Variants in CSMD1 observed in about 807,000 individuals in gnomAD.
CSMD1 encodes the protein CUB and sushi domain-containing protein 1.
Under a neutral mutation model 417.5 loss-of-function variants are expected in CSMD1, and 213 were observed. The ratio of observed to expected loss-of-function variants is 0.51; its 90% CI spans 0.46 to 0.57. The LOEUF (loss-of-function observed/expected upper bound fraction) is 0.57, where lower values mean the gene tolerates loss of function less well. Ranked by LOEUF, CSMD1 falls within the 20% of genes least tolerant of loss-of-function variation. The pLI is 0.00. For missense variants in CSMD1, 6,923 were observed against 4,529.7 expected, an observed-to-expected ratio of 1.53 and a Z score of -15.17; for synonymous variants, 2,862 against 1,736.8, an observed-to-expected ratio of 1.65 and a Z score of -16.11.
At chr8:4,843,948 T>A (rs748498648) in intron 1 of CSMD1, among the ~76,000 whole-genome samples, 3 of 152,140 alleles carry the variant, frequency 2.0e-5, no homozygotes, top group Non-Finnish European at 2.9e-5. Flanking sequence ...TAGAGAAAGC[T>A]GTAACGGAAA....
chr8:3,652,296 G>A (rs1371017933), intron 7 of CSMD1, among the ~76,000 whole-genome samples: 2 of 147,688 alleles, frequency 1.4e-5, no homozygotes, highest in African/African-American at 5.0e-5. Context: ...GCTTACCACT[G>A]TCAGCATGCT....
intron 11 of CSMD1, among the ~76,000 whole-genome samples, chr8:3,485,238 C>A (rs1030591430): frequency 6.6e-6 from 1 of 152,066 alleles, no homozygotes; most frequent in African/African-American, 2.4e-5. Context: ...CGGGAGGAAA[C>A]GATTGCAGTA....
rs11986499 is a variant in CSMD1, at chr8:4,342,239, G to T, written c.415+77714C>A. Reference sequence around the variant, plus strand: ...TGTGTGTGTGTGTGTGTGTCTGTGTGTGTGTGTGTGTCTCTGTATGTGTGT... The same window carrying T: ...TGTGTGTGTGTGTGTGTGTCTGTGTTTGTGTGTGTGTCTCTGTATGTGTGT... On this transcript the variant is annotated intron_variant, in intron 3 of 69. Transcript: ENST00000635120. 2.1e-3 allele frequency among the ~76,000 whole-genome samples: 24 copies of T among 11,218 alleles called. 2 individuals carry two copies. In the South Asian group the frequency reaches 0.026, roughly 12 times the overall value. 7.4% of individuals were successfully genotyped at this position (11,218 alleles called of 152,430 possible).
intron 40 of CSMD1, among the ~76,000 whole-genome samples, chr8:3,143,661 T>G (rs1028700547): frequency 6.6e-6 from 1 of 152,172 alleles, no homozygotes; most frequent in Non-Finnish European, 1.5e-5. Flanking sequence ...AAACCTAAAC[T>G]GAGCCAACTA....
At chr8:4,820,928 G>A (rs1002220628) in intron 1 of CSMD1, among the ~76,000 whole-genome samples, 2 of 152,152 alleles carry the variant, frequency 1.3e-5, no homozygotes, top group East Asian at 3.9e-4. Flanking sequence ...ATATCTTCAT[G>A]TTGCTTCCAT....
At chr8:4,503,171 C>T (rs756298068) in intron 2 of CSMD1, among the ~76,000 whole-genome samples, 2 of 152,108 alleles carry the variant, frequency 1.3e-5, no homozygotes, top group African/African-American at 2.4e-5. Context: ...TATATAGTCT[C>T]TCTTATCATC....
At chr8:4,478,413 T>TATTTGTCAG (rs1800915678) in intron 2 of CSMD1, among the ~76,000 whole-genome samples, 1 of 152,180 alleles carries the variant, frequency 6.6e-6, no homozygotes, top group Non-Finnish European at 1.5e-5. Flanking sequence ...CTTTGTAAAG[T>TATTTGTCAG]TATATATCTT....
At chr8:3,154,918 C>G (rs1323627159) in intron 39 of CSMD1, among the ~76,000 whole-genome samples, 1 of 152,052 alleles carries the variant, frequency 6.6e-6, no homozygotes, top group Non-Finnish European at 1.5e-5. Context: ...TAATCTAAAG[C>G]TAACAGCTAC....
intron 1 of CSMD1, among the ~76,000 whole-genome samples, chr8:4,721,927 G>C (rs182775244): frequency 6.6e-6 from 1 of 152,188 alleles, no homozygotes; most frequent in African/African-American, 2.4e-5. Context: ...AAACACGAAA[G>C]AAAAACTAGA....
chr8:4,181,610 A>G (rs1218630480), intron 3 of CSMD1, among the ~76,000 whole-genome samples: 1 of 152,222 alleles, frequency 6.6e-6, no homozygotes, highest in Admixed American at 6.5e-5. Context: ...TATAAGGCTT[A>G]AAATTCATTT....
Position 4,860,742 on chromosome 8 carries a change from G to C in CSMD1, c.85+133590C>G, listed in dbSNP as rs79589696. Among the ~76,000 whole-genome samples, 1,144 of 152,178 alleles carry C rather than the reference G, an allele frequency of 7.5e-3. 15 individuals are homozygous for C. Among genetic ancestry groups the C allele is most frequent in the African/African-American group, 0.025 (1,054 of 41,478 alleles). On this transcript the variant is annotated intron_variant, in intron 1 of 69. Transcript: ENST00000635120. ...ATTTATGTAACATACAGTGCTCTTC[G>C]TATGGGCATACGTTCCTGGTAATTT...
rs187482797 is a variant in CSMD1, at chr8:4,329,002, C to G, written c.415+90951G>C. The stretch of plus-strand genomic sequence containing the variant: ...ATATTTATTTTTGTGTTTACTATTC[C>G]TCTTGGGCTTCCAACATCAATCTTC... On this transcript the variant is annotated intron_variant, in intron 3 of 69. Transcript: ENST00000635120. Among the ~76,000 whole-genome samples the G allele has an allele frequency of 4.6e-5, 7 of 152,222 alleles. No individual in the cohort carries two copies. In the East Asian group the frequency reaches 1.4e-3, roughly 29 times the overall value.
chr8:3,607,365 G>C (rs1183743034), intron 8 of CSMD1, among the ~76,000 whole-genome samples: 2 of 152,184 alleles, frequency 1.3e-5, no homozygotes, highest in African/African-American at 2.4e-5. Flanking sequence ...GCTGTTTACA[G>C]TTAACTTTTG....
At chr8:3,358,849 T>TTCTC (rs111679777) in intron 21 of CSMD1, among the ~76,000 whole-genome samples, 48,259 of 151,450 alleles carry the variant, frequency 0.32, 8,846 homozygotes, top group African/African-American at 0.51. Context: ...GCTCCAGATT[T>TTCTC]TCTCTCTCTC....
intron 2 of CSMD1, among the ~76,000 whole-genome samples, chr8:4,522,241 C>T (rs1037199263): frequency 6.6e-6 from 1 of 152,108 alleles, no homozygotes; most frequent in Non-Finnish European, 1.5e-5. Flanking sequence ...TCTCTCTTTG[C>T]CTGCTGCCAT....
chr8:3,464,627 T>C (rs954369600), intron 12 of CSMD1, among the ~76,000 whole-genome samples: 4 of 150,086 alleles, frequency 2.7e-5, no homozygotes, highest in African/African-American at 2.4e-5. Flanking sequence ...CAATTATATA[T>C]AGGTAGAATC....
chr8:4,195,581 C>G (rs774341427), intron 3 of CSMD1, among the ~76,000 whole-genome samples: 1 of 152,082 alleles, frequency 6.6e-6, no homozygotes, highest in Non-Finnish European at 1.5e-5. Context: ...TAGAGGTGAG[C>G]GTTGTCACTG....
intron 3 of CSMD1, among the ~76,000 whole-genome samples, chr8:4,288,625 G>A (rs922841532): frequency 6.6e-6 from 1 of 152,154 alleles, no homozygotes; most frequent in Admixed American, 6.5e-5. Flanking sequence ...TCAAGGTGAA[G>A]GATGTTGCCA....
At chr8:4,047,774 G>C (rs1052215141) in intron 3 of CSMD1, among the ~76,000 whole-genome samples, 6 of 151,914 alleles carry the variant, frequency 3.9e-5, no homozygotes, top group African/African-American at 1.2e-4. Flanking sequence ...GATAGGAATA[G>C]GTAGAGAATG....
Sources: gnomAD v4.1 joint callset for allele counts (sites outside exome capture counted in the v4.1 genomes callset) on GRCh38, gnomAD v4.1.1 for gene constraint, MANE v1.5 for transcripts, NCBI Gene and HGNC (gene_info 2026-07-23, HGNC 2026-07-21) for gene names.